The following TMPRSS11D variants were observed in gnomAD, a reference collection of about 807,000 sequenced individuals.
The protein encoded by TMPRSS11D is transmembrane serine protease 11D.
In TMPRSS11D, 32 loss-of-function variants were observed where a neutral mutation model predicts 44.4. The observed-to-expected ratio is 0.72, with a 90% CI of 0.54 to 0.97. The LOEUF (loss-of-function observed/expected upper bound fraction) is 0.97, where lower values mean the gene tolerates loss of function less well. TMPRSS11D is among the 50% of genes least tolerant of loss of function. The pLI is 0.00. For missense variants in TMPRSS11D, 446 were observed against 502.6 expected, an observed-to-expected ratio of 0.89 and a Z score of 1.08; for synonymous variants, 179 against 177.9, an observed-to-expected ratio of 1.01 and a Z score of -0.05.
At chr4:67,839,824 T>C (rs1471199777) in intron 4 of TMPRSS11D, among the ~76,000 whole-genome samples, 2 of 152,010 alleles carry the variant, frequency 1.3e-5, no homozygotes, top group Non-Finnish European at 2.9e-5. Flanking sequence ...CAGAACCTTT[T>C]TTTTTTTAAT....
intron 7 of TMPRSS11D, among the ~76,000 whole-genome samples, chr4:67,827,956 G>C (rs1268217347): frequency 2.0e-5 from 3 of 151,816 alleles, no homozygotes; most frequent in Non-Finnish European, 4.4e-5. Context: ...TTAAATAGTA[G>C]TGATGATAAG....
intron 7 of TMPRSS11D, among the ~76,000 whole-genome samples, chr4:67,831,080 A>G (rs1717932679): frequency 6.6e-6 from 1 of 152,144 alleles, no homozygotes; most frequent in Non-Finnish European, 1.5e-5. Flanking sequence ...ATAAGTAATT[A>G]TGGTCTCTTT....
At chr4:67,861,756 C>T (rs1718795755) in intron 1 of TMPRSS11D, among the ~76,000 whole-genome samples, 1 of 152,042 alleles carries the variant, frequency 6.6e-6, no homozygotes, top group Admixed American at 6.6e-5. Context: ...TATGACTCAA[C>T]AAACAAAGGG....
At chr4:67,864,891 T>G (rs1228562369) in intron 1 of TMPRSS11D, among the ~76,000 whole-genome samples, 1 of 151,664 alleles carries the variant, frequency 6.6e-6, no homozygotes, top group African/African-American at 2.4e-5. Flanking sequence ...TTACCACACT[T>G]AAGAGATAGA....
At chr4:67,881,853 C>T (rs1235118483) in intron 1 of TMPRSS11D, among the ~76,000 whole-genome samples, 6 of 152,222 alleles carry the variant, frequency 3.9e-5, no homozygotes, top group African/African-American at 1.4e-4. Flanking sequence ...TAAGACTTGT[C>T]TGTCCCTGAG....
In TMPRSS11D at chr4:67,878,903, G is replaced by A. The variant is rs553211637; in HGVS notation, c.8+5023C>T. On this transcript the variant is annotated intron_variant, in intron 1 of 9. Transcript: ENST00000283916. Reference sequence around the variant, plus strand: ...ATTGCACCACTGCACTCCAGCCTTGGGGAGAGAGGGAGACTCTGTCTCAAA... The same window carrying A: ...ATTGCACCACTGCACTCCAGCCTTGAGGAGAGAGGGAGACTCTGTCTCAAA... 3.0e-4 allele frequency among the ~76,000 whole-genome samples: 46 copies of A among 152,238 alleles called. No individual in the cohort carries two copies. The South Asian group carries it at 9.3e-3, about 31-fold the overall frequency.
Position 67,825,755 on chromosome 4 carries a change from G to C in TMPRSS11D, c.1072C>G (p.Gln358Glu), listed in dbSNP as rs777791515. ...ACCTGACATGCGTCCACTCCACCTT[G>C]AGGTACTCCAGCACACAGCATTCCA... Reference protein sequence around the residue: ...LSGMLCAGVPQGGVDACQGDS... With the variant: ...LSGMLCAGVPEGGVDACQGDS... The change falls in exon 9 of 10, where the codon CAA becomes GAA. Residue 358 changes from glutamine to glutamate, a missense_variant. Transcript: ENST00000283916. 1.3e-5 allele frequency: 21 copies of C among 1,612,858 alleles called. No homozygotes were observed. The highest frequency in any genetic ancestry group is 1.7e-5 in the Non-Finnish European group (20 of 1,179,406).
At chr4:67,846,019 T>G (rs1718347143) in intron 3 of TMPRSS11D, among the ~76,000 whole-genome samples, 1 of 152,204 alleles carries the variant, frequency 6.6e-6, no homozygotes, top group African/African-American at 2.4e-5. Flanking sequence ...TTGATAGTTA[T>G]AGCTTTGCTC....
chr4:67,865,708 A>G (rs189239877), intron 1 of TMPRSS11D, among the ~76,000 whole-genome samples: 145 of 152,064 alleles, frequency 9.5e-4, no homozygotes, highest in Middle Eastern at 6.8e-3. Flanking sequence ...CTCACAAACT[A>G]GAAAACCTAG....
intron 1 of TMPRSS11D, among the ~76,000 whole-genome samples, chr4:67,881,459 G>A (rs1195063865): frequency 2.0e-5 from 3 of 152,090 alleles, no homozygotes; most frequent in Admixed American, 6.5e-5. Context: ...TTTAGCATGT[G>A]GCTCAAGATT....
At chr4:67,835,421 C>A (rs1718056088) in intron 5 of TMPRSS11D, among the ~76,000 whole-genome samples, 1 of 151,980 alleles carries the variant, frequency 6.6e-6, no homozygotes, top group South Asian at 2.1e-4. Context: ...TCAAGTTACT[C>A]AATTTATATG....
At chr4:67,843,102 GT>G (rs1364994466) in intron 3 of TMPRSS11D, among the ~76,000 whole-genome samples, 4 of 107,478 alleles carry the variant, frequency 3.7e-5, no homozygotes, top group Non-Finnish European at 7.4e-5. Flanking sequence ...GCAAAGGGCA[GT>G]CTTTTTTTTT....
intron 3 of TMPRSS11D, among the ~76,000 whole-genome samples, chr4:67,849,519 A>G (rs946451791): frequency 8.6e-5 from 13 of 151,998 alleles, no homozygotes; most frequent in African/African-American, 3.1e-4. Context: ...GCCTGTAAAG[A>G]ACACAGAGAA....
At position 67,825,807 on chromosome 4, in the gene TMPRSS11D, T is replaced by C. The variant is rs760590192; in HGVS notation, c.1020A>G (p.Pro340=). Residue 340 remains proline (P), a synonymous_variant, in exon 9 of 10, where the codon CCA becomes CCG. Coordinates refer to ENST00000283916, the MANE Select transcript of TMPRSS11D (RefSeq NM_004262.3). ...RIISNDVCNA[P]HSYNGAILSG... is the part of the protein sequence containing the mutation. ...ACAAGATGGCTCCATTATAACTATG[T>C]GGTGCATTACATACATCATTACTTA... 5.0e-6 allele frequency: 8 copies of C among 1,613,200 alleles called. No individual in the cohort carries two copies. The South Asian group carries it at 5.5e-5, about 11-fold the overall frequency.
intron 2 of TMPRSS11D, among the ~76,000 whole-genome samples, chr4:67,858,903 T>A (rs139421600): frequency 2.6e-5 from 4 of 152,134 alleles, no homozygotes; most frequent in African/African-American, 7.2e-5. Flanking sequence ...TTCTTTACAT[T>A]ATTTTTTCTT....
intron 5 of TMPRSS11D, among the ~76,000 whole-genome samples, 167 bp from the exon 6 acceptor site, chr4:67,835,288 A>C (rs545717980): frequency 2.1e-4 from 32 of 152,086 alleles, no homozygotes; most frequent in Non-Finnish European, 4.1e-4. Flanking sequence ...GACCTGCTGA[A>C]ACGATCTCTA....
At chr4:67,842,997 G>C (rs563790662) in intron 3 of TMPRSS11D, among the ~76,000 whole-genome samples, 1 of 152,030 alleles carries the variant, frequency 6.6e-6, no homozygotes, top group South Asian at 2.1e-4. Context: ...AACTCAAAAT[G>C]TGTGATCCCA....
chr4:67,835,243 G>C (rs906737515), intron 5 of TMPRSS11D, 122 bp from the exon 6 acceptor site: 24 of 826,928 alleles, frequency 2.9e-5, no homozygotes, highest in Non-Finnish European at 4.1e-5. Flanking sequence ...TTGGGAGGTG[G>C]TCCTCTAAAA....
intron 1 of TMPRSS11D, among the ~76,000 whole-genome samples, chr4:67,872,023 T>A (rs1019562638): frequency 6.6e-6 from 1 of 152,164 alleles, no homozygotes; most frequent in African/African-American, 2.4e-5. Context: ...ACAGGTTAGT[T>A]ATGTCCTTAC....
Sources: allele counts gnomAD v4.1 joint callset (sites outside exome capture counted in the v4.1 genomes callset), GRCh38; gene constraint gnomAD v4.1.1; transcripts MANE v1.5; gene names NCBI Gene and HGNC (gene_info 2026-07-23, HGNC 2026-07-21).